Variants in TRAPPC9 observed in about 807,000 individuals in gnomAD.
TRAPPC9 encodes trafficking protein particle complex subunit 9, also known as IKK2 binding protein.
In TRAPPC9, 83 loss-of-function variants were observed where a neutral mutation model predicts 124.0. The ratio of observed to expected loss-of-function variants is 0.67; its 90% confidence interval spans 0.56 to 0.80. TRAPPC9 has a LOEUF of 0.80. TRAPPC9 is among the 30% of genes least tolerant of loss of function. The pLI is 0.00. For missense variants in TRAPPC9, 1,302 were observed against 1,508.3 expected (o/e 0.86, Z 2.27); for synonymous variants, 638 against 617.5 (o/e 1.03, Z -0.49).
At chr8:139,848,576 A>T (rs1436538713) in intron 21 of TRAPPC9, among the ~76,000 whole-genome samples, 1 of 152,210 alleles carries the variant, frequency 6.6e-6, no homozygotes, top group Admixed American at 6.5e-5. Flanking sequence ...GTGTGCATAT[A>T]GCTCAAGTTG....
intron 19 of TRAPPC9, among the ~76,000 whole-genome samples, chr8:139,920,214 C>T (rs1051373146): frequency 3.3e-5 from 5 of 152,118 alleles, no homozygotes; most frequent in East Asian, 1.9e-4. Context: ...GGCGTGGTGG[C>T]GCGCACCTGT....
chr8:139,874,472 G>A (rs1186541140), intron 21 of TRAPPC9, among the ~76,000 whole-genome samples: 3 of 152,246 alleles, frequency 2.0e-5, no homozygotes, highest in Admixed American at 6.5e-5. Flanking sequence ...GGGGAAACGC[G>A]CAGGCGGAAA....
intron 19 of TRAPPC9, among the ~76,000 whole-genome samples, chr8:139,912,353 A>G (rs1831796890): frequency 6.6e-6 from 1 of 152,210 alleles, no homozygotes; most frequent in South Asian, 2.1e-4. Flanking sequence ...GAAATATTCT[A>G]TCTTAGGGTT....
intron 17 of TRAPPC9, among the ~76,000 whole-genome samples, chr8:140,117,718 T>G (rs1053779154): frequency 6.6e-6 from 1 of 152,180 alleles, no homozygotes; most frequent in Admixed American, 6.5e-5. Context: ...TATTTAGTGC[T>G]GAGCAGTGAA....
chr8:140,440,758 C>T (rs72692391), intron 2 of TRAPPC9, among the ~76,000 whole-genome samples: 3,266 of 152,208 alleles, frequency 0.021, 59 homozygotes, highest in Non-Finnish European at 0.035. Context: ...GCCCCTCCCA[C>T]GGCTCTGGCT....
At chr8:139,843,578 G>A (rs760820861) in intron 21 of TRAPPC9, among the ~76,000 whole-genome samples, 4 of 152,212 alleles carry the variant, frequency 2.6e-5, no homozygotes, top group Non-Finnish European at 5.9e-5. Context: ...ATCCAGGTGA[G>A]CCCCACGTAA....
At chr8:139,926,924 A>T (rs1832854981) in intron 19 of TRAPPC9, among the ~76,000 whole-genome samples, 1 of 152,272 alleles carries the variant, frequency 6.6e-6, no homozygotes, top group Admixed American at 6.5e-5. Context: ...TAGACAAAAG[A>T]TTTGTATCCA....
chr8:139,846,736 G>A (rs1039723951), intron 21 of TRAPPC9, among the ~76,000 whole-genome samples: 1 of 152,178 alleles, frequency 6.6e-6, no homozygotes, highest in African/African-American at 2.4e-5. Flanking sequence ...CATGGAGGAG[G>A]CCCATTCCCA....
rs530255291 is a variant in TRAPPC9, at chr8:140,370,139, T to G, written c.1351+825A>C. Among the ~76,000 whole-genome samples, 1,055 of 142,236 alleles carry G rather than the reference T, an allele frequency of 7.4e-3. 11 individuals are homozygous for G. Among genetic ancestry groups the G allele is most frequent in the African/African-American group, 0.027 (1,009 of 37,690 alleles). The allele number at this position is 142,236 out of a possible 152,430, so 93.3% of individuals were successfully genotyped here. On this transcript the variant is annotated intron_variant, in intron 8 of 22. Coordinates refer to ENST00000438773, the MANE Select transcript of TRAPPC9 (RefSeq NM_001160372.4). ...AACCCCTCAAAAATGTTTTTTTTTTTGTTTTTTTGGGTTTTTTTTAGATAA... is the reference window on the plus strand; with the variant it reads ...AACCCCTCAAAAATGTTTTTTTTTTGGTTTTTTTGGGTTTTTTTTAGATAA...
chr8:140,021,766 T>C (rs1302489224), intron 18 of TRAPPC9, among the ~76,000 whole-genome samples: 1 of 152,240 alleles, frequency 6.6e-6, no homozygotes, highest in Non-Finnish European at 1.5e-5. Flanking sequence ...CATGTAATGT[T>C]AAGGGACCCA....
At chr8:139,752,126 CATCCATCTATATATCG>C (rs933270288) in intron 21 of TRAPPC9, among the ~76,000 whole-genome samples, 5 of 151,050 alleles carry the variant, frequency 3.3e-5, no homozygotes, top group African/African-American at 7.3e-5. Context: ...ATCTACCATC[CATCCATCTATATATCG>C]ATCCATCTAT....
At chr8:140,090,197 G>A (rs974030250) in intron 17 of TRAPPC9, among the ~76,000 whole-genome samples, 3 of 152,128 alleles carry the variant, frequency 2.0e-5, no homozygotes, top group South Asian at 2.1e-4. Context: ...AGGTTGACCC[G>A]GTTTGAAGTC....
At chr8:140,044,385 G>C (rs1405606511) in intron 17 of TRAPPC9, among the ~76,000 whole-genome samples, 2 of 152,126 alleles carry the variant, frequency 1.3e-5, no homozygotes, top group Non-Finnish European at 2.9e-5. Context: ...AACCACTCAT[G>C]GGCCGGTAAA....
intron 17 of TRAPPC9, among the ~76,000 whole-genome samples, chr8:140,143,012 A>C (rs2061405001): frequency 1.3e-5 from 2 of 152,190 alleles, no homozygotes; most frequent in Admixed American, 6.5e-5. Context: ...TCCAAGTAGC[A>C]CAGCACCCAG....
chr8:139,910,466 G>C (rs1414014293), intron 19 of TRAPPC9, among the ~76,000 whole-genome samples, 166 bp from the exon 20 acceptor site: 2 of 152,136 alleles, frequency 1.3e-5, no homozygotes, highest in East Asian at 3.9e-4. Flanking sequence ...TCCTAAGGTG[G>C]CCCTGACTTC....
chr8:139,965,801 C>T lies in TRAPPC9; in HGVS notation c.2810+22925G>A, dbSNP rs564807390. Among the ~76,000 whole-genome samples, 7 of 152,378 alleles carry T rather than the reference C, an allele frequency of 4.6e-5. No homozygotes were observed. The South Asian group carries it at 1.4e-3, about 32-fold the overall frequency. On this transcript the variant is annotated intron_variant, in intron 19 of 22. Transcript: ENST00000438773. ...GCTCCATGTTGAGCAGAGTTGGCTA[C>T]GTGCTGAATGTGGAACAGGTTCACT...
chr8:140,371,143 A>C lies in TRAPPC9; in HGVS notation c.1172T>G (p.Leu391Arg), dbSNP rs781369617. ...GCCGATCAGCTCATAGAGCTCGGAGAGGATGCTGTAGCGCTGAATTTTCTC... is the reference window on the plus strand; with the variant it reads ...GCCGATCAGCTCATAGAGCTCGGAGCGGATGCTGTAGCGCTGAATTTTCTC... ...EEEKIQRYSI[L>R]SELYELIGFH... The change falls in exon 8 of 23, where the codon CTC (leucine) becomes CGC (arginine). Residue 391 changes from leucine to arginine, a missense_variant. Coordinates refer to ENST00000438773, the MANE Select transcript of TRAPPC9 (RefSeq NM_001160372.4). The C allele has an allele frequency of 1.9e-6, 3 of 1,614,002 alleles. No homozygotes were observed.
intron 17 of TRAPPC9, among the ~76,000 whole-genome samples, chr8:140,055,517 C>G (rs1842245290): frequency 6.6e-6 from 1 of 152,146 alleles, no homozygotes; most frequent in Non-Finnish European, 1.5e-5. Context: ...GAAGTCCCAA[C>G]CAGAACAATT....
chr8:140,359,800 C>T (rs1430973778), intron 9 of TRAPPC9, among the ~76,000 whole-genome samples: 3 of 152,106 alleles, frequency 2.0e-5, no homozygotes, highest in African/African-American at 7.2e-5. Context: ...GAGGGAAAAG[C>T]CATGGAGTGT....
Sources: allele counts gnomAD v4.1 joint callset (sites outside exome capture counted in the v4.1 genomes callset), GRCh38; gene constraint gnomAD v4.1.1; transcripts MANE v1.5; gene names NCBI Gene and HGNC (gene_info 2026-07-23, HGNC 2026-07-21).